The following MBOAT2 variants were observed in gnomAD, a reference collection of about 807,000 sequenced individuals.
MBOAT2 encodes the protein membrane-bound glycerophospholipid O-acyltransferase 2.
A neutral mutation model predicts 63.4 loss-of-function variants in MBOAT2; 28 were observed. The ratio of observed to expected loss-of-function variants is 0.44; its 90% CI spans 0.33 to 0.61. MBOAT2 has a LOEUF of 0.61. MBOAT2 is among the 20% of genes least tolerant of loss of function. The pLI, the probability that MBOAT2 is intolerant of heterozygous loss-of-function variation, is 0.03. For missense variants in MBOAT2, 470 were observed against 605.8 expected (o/e 0.78, Z 2.35); for synonymous variants, 211 against 215.6 (o/e 0.98, Z 0.19).
chr2:8,923,705 T>C lies in MBOAT2; in HGVS notation c.300-14989A>G, dbSNP rs558812612. Among the ~76,000 whole-genome samples the C allele has an allele frequency of 1.7e-4, 26 of 152,276 alleles. No homozygotes were observed. In the South Asian group the frequency reaches 5.4e-3, roughly 32 times the overall value. Reference sequence around the variant, plus strand: ...CTTTGCCAAGGGATGGGGAACAGGGTAACTCCAGGCAAGAATACCATCAAT... The same window carrying C: ...CTTTGCCAAGGGATGGGGAACAGGGCAACTCCAGGCAAGAATACCATCAAT... On this transcript the variant is annotated intron_variant, in intron 3 of 12. Coordinates refer to ENST00000305997, the MANE Select transcript of MBOAT2 (RefSeq NM_138799.4).
chr2:8,978,647 AC>A (rs1428031232), intron 1 of MBOAT2, among the ~76,000 whole-genome samples: 1 of 152,054 alleles, frequency 6.6e-6, no homozygotes, highest in African/African-American at 2.4e-5. Context: ...GGAAAAACAC[AC>A]ACTGGGGCCA....
chr2:8,863,976 C>T (rs1342120592), intron 10 of MBOAT2, among the ~76,000 whole-genome samples, 194 bp downstream of exon 10: 1 of 152,170 alleles, frequency 6.6e-6, no homozygotes, highest in Admixed American at 6.5e-5. Context: ...TAGCTGCATT[C>T]GTGACTCAAG....
intron 2 of MBOAT2, among the ~76,000 whole-genome samples, chr2:8,955,669 A>G (rs1028078277): frequency 2.0e-5 from 3 of 152,258 alleles, no homozygotes; most frequent in African/African-American, 4.8e-5. Context: ...TTAGTTGATA[A>G]AGCAGCAGCA....
chr2:8,860,526 CTG>C, intron 12 of MBOAT2, 85 bp downstream of exon 12: 3 of 1,315,094 alleles, frequency 2.3e-6, no homozygotes, highest in Non-Finnish European at 3.2e-6. Context: ...GGCTATGGTA[CTG>C]TTTTTCTATT....
intron 2 of MBOAT2, among the ~76,000 whole-genome samples, chr2:8,945,426 TA>T (rs1234044494): frequency 6.6e-6 from 1 of 152,170 alleles, no homozygotes; most frequent in African/African-American, 2.4e-5. Context: ...GATAATACAT[TA>T]AAAGCGTTGA....
chr2:8,894,564 C>T (rs1328660358), intron 4 of MBOAT2, among the ~76,000 whole-genome samples: 9 of 152,236 alleles, frequency 5.9e-5, no homozygotes, highest in Non-Finnish European at 1.0e-4. Context: ...CACAGAAACA[C>T]ATCTACAATT....
intron 7 of MBOAT2, among the ~76,000 whole-genome samples, chr2:8,875,876 T>C (rs1662663581): frequency 6.6e-6 from 1 of 152,240 alleles, no homozygotes; most frequent in African/African-American, 2.4e-5. Flanking sequence ...AACACCTTTT[T>C]GGTATAAAAT....
intron 3 of MBOAT2, among the ~76,000 whole-genome samples, chr2:8,921,687 A>G (rs1384830878): frequency 6.6e-6 from 1 of 152,142 alleles, no homozygotes; most frequent in African/African-American, 2.4e-5. Flanking sequence ...TGTAGTTGCA[A>G]ATTTTTCCTT....
Position 8,862,659 on chromosome 2 carries a change from C to A in MBOAT2, c.1116G>T (p.Trp372Cys). ...TIQTFILSAI[W>C]HGVYPGYYLT... ...GATAATATCCTGGGTATACCCCGTG[C>A]CAAATGGCAGAGAGAATGAACGTCT... Residue 372 changes from tryptophan to cysteine, a missense_variant, in exon 11 of 13, where the codon TGG becomes TGT. Physicochemically the swap from Trp to Cys is radical, Grantham distance 215. Coordinates refer to ENST00000305997, the MANE Select transcript of MBOAT2 (RefSeq NM_138799.4). This position sits in a 1 kb window ranked among gnomAD's most constrained non-coding sequence, Gnocchi z 4.3. The A allele has an allele frequency of 1.2e-6, 2 of 1,614,098 alleles. No individual in the cohort carries two copies. Among genetic ancestry groups the A allele is most frequent in the Non-Finnish European group, 1.7e-6 (2 of 1,179,980 alleles).
At chr2:8,951,506 C>T (rs1323890946) in intron 2 of MBOAT2, among the ~76,000 whole-genome samples, 1 of 152,148 alleles carries the variant, frequency 6.6e-6, no homozygotes, top group African/African-American at 2.4e-5. Flanking sequence ...TGCCCTGCCA[C>T]TAGCTCTTCT....
chr2:8,872,138 C>T (rs1662372335), intron 8 of MBOAT2, among the ~76,000 whole-genome samples: 1 of 152,198 alleles, frequency 6.6e-6, no homozygotes, highest in Admixed American at 6.5e-5. Context: ...CCAGGTCCCT[C>T]CTTCCCACAT....
In MBOAT2 at chr2:8,894,712, T is replaced by C. The variant is rs534382231; in HGVS notation, c.396-6639A>G. Among the ~76,000 whole-genome samples the C allele has an allele frequency of 1.7e-4, 26 of 152,352 alleles. No homozygotes were observed. In the South Asian group the frequency reaches 5.4e-3, roughly 32 times the overall value. On this transcript the variant is annotated intron_variant, in intron 4 of 12. Coordinates refer to ENST00000305997, the MANE Select transcript of MBOAT2 (RefSeq NM_138799.4). Reference sequence around the variant, plus strand: ...AGAATGAAGCCACAGACCCTCACGGTGACAGTTCTTAAAGATGGTGTGTCC... The same window carrying C: ...AGAATGAAGCCACAGACCCTCACGGCGACAGTTCTTAAAGATGGTGTGTCC...
chr2:8,896,025 C>T (rs932873916), intron 4 of MBOAT2, among the ~76,000 whole-genome samples: 23 of 151,910 alleles, frequency 1.5e-4, no homozygotes, highest in African/African-American at 5.6e-4. Flanking sequence ...ATCACGAGGT[C>T]AGAAGATCGA....
chr2:8,938,173 A>G (rs2103223550), intron 3 of MBOAT2, among the ~76,000 whole-genome samples: 1 of 152,300 alleles, frequency 6.6e-6, no homozygotes, highest in South Asian at 2.1e-4. Flanking sequence ...TGCTAGATAA[A>G]AGAGAAATTT....
rs1168235612 is a variant in MBOAT2, at chr2:8,951,169, A to AT, written c.221+7327dup. ...GTTAATAAGGGGTCCCTTCTCCTCAATTTTTTTGTAATACTTTCAGTAGAA... is the reference window on the plus strand; with the variant it reads ...GTTAATAAGGGGTCCCTTCTCCTCAATTTTTTTTGTAATACTTTCAGTAGAA... On this transcript the variant is annotated intron_variant, in intron 2 of 12. Coordinates refer to ENST00000305997, the MANE Select transcript of MBOAT2 (RefSeq NM_138799.4). Among the ~76,000 whole-genome samples the AT allele has an allele frequency of 1.1e-4, 17 of 148,422 alleles. No homozygotes were observed. The South Asian group carries it at 1.3e-3, about 11-fold the overall frequency.
At chr2:8,906,737 G>A (rs771753099) in intron 4 of MBOAT2, among the ~76,000 whole-genome samples, 1 of 152,256 alleles carries the variant, frequency 6.6e-6, no homozygotes, top group Non-Finnish European at 1.5e-5. Context: ...GAGGGGCTGT[G>A]AGAGCCCAAT....
chr2:8,951,264 G>A (rs1668812362), intron 2 of MBOAT2, among the ~76,000 whole-genome samples: 1 of 151,574 alleles, frequency 6.6e-6, no homozygotes, highest in African/African-American at 2.4e-5. Context: ...GAGTACAGTG[G>A]CATGGTCTGG....
chr2:8,912,603 A>G (rs1306526156), intron 3 of MBOAT2, among the ~76,000 whole-genome samples: 1 of 152,176 alleles, frequency 6.6e-6, no homozygotes, highest in Non-Finnish European at 1.5e-5. Flanking sequence ...AACAGCTGCA[A>G]AAAAATAAAA....
chr2:8,901,438 C>A (rs1180917653), intron 4 of MBOAT2, among the ~76,000 whole-genome samples: 2 of 152,132 alleles, frequency 1.3e-5, no homozygotes, highest in Non-Finnish European at 2.9e-5. Flanking sequence ...CCCTTACCGA[C>A]ACATTCTCAA....
Sources: gnomAD v4.1 joint callset for allele counts (sites outside exome capture counted in the v4.1 genomes callset) on GRCh38, gnomAD v4.1.1 for gene constraint, Gnocchi (gnomAD v3.1) non-coding constraint, MANE v1.5 for transcripts, NCBI Gene and HGNC (gene_info 2026-07-23, HGNC 2026-07-21) for gene names.